SHISA9: variants seen among roughly 807,000 people sequenced by gnomAD.
SHISA9 encodes the protein shisa family member 9.
Under a neutral mutation model 38.0 loss-of-function variants are expected in SHISA9, and 13 were observed. The ratio of observed to expected loss-of-function variants is 0.34; its 90% CI spans 0.22 to 0.54. SHISA9 has a LOEUF of 0.54. Among genes scored for constraint, SHISA9 ranks in the 20% least tolerant of loss-of-function variants. The pLI is 0.91. For missense variants in SHISA9, 538 were observed against 575.8 expected, an observed-to-expected ratio of 0.93 and a Z score of 0.67; for synonymous variants, 275 against 242.0, an observed-to-expected ratio of 1.14 and a Z score of -1.27.
intron 2 of SHISA9, among the ~76,000 whole-genome samples, chr16:12,925,198 A>G (rs1434625036): frequency 6.6e-6 from 1 of 151,962 alleles, no homozygotes; most frequent in Non-Finnish European, 1.5e-5. Context: ...TAATGTTTCA[A>G]TGCAGATGAG....
intron 2 of SHISA9, among the ~76,000 whole-genome samples, chr16:13,192,911 G>A (rs886523553): frequency 6.6e-6 from 1 of 151,286 alleles, no homozygotes; most frequent in Non-Finnish European, 1.5e-5. Context: ...GGAGGAGGAG[G>A]AGAAGAGGAG....
At chr16:13,284,596 T>G in the SHISA9 span, among the ~76,000 whole-genome samples, 1 of 152,092 alleles carries the variant, frequency 6.6e-6, no homozygotes, top group African/African-American at 2.4e-5. Flanking sequence ...CATTTCATTA[T>G]TTATTTATTT....
chr16:13,261,482 A>G, the SHISA9 span, among the ~76,000 whole-genome samples: 17 of 152,284 alleles, frequency 1.1e-4, no homozygotes, highest in East Asian at 5.8e-4. Flanking sequence ...TCAGGGTCCA[A>G]TGCAAACTGA....
At chr16:13,075,889 T>A (rs760783581) in intron 2 of SHISA9, among the ~76,000 whole-genome samples, 4 of 152,114 alleles carry the variant, frequency 2.6e-5, no homozygotes, top group African/African-American at 4.8e-5. Context: ...GCCCTGTGCA[T>A]TCTAGGGTGT....
At chr16:12,932,442 A>G (rs1755270328) in intron 2 of SHISA9, among the ~76,000 whole-genome samples, 1 of 152,110 alleles carries the variant, frequency 6.6e-6, no homozygotes, top group African/African-American at 2.4e-5. Flanking sequence ...CCCAGGTTCA[A>G]GAGATTCTCC....
At chr16:13,403,342 C>A in the SHISA9 span, among the ~76,000 whole-genome samples, 1 of 152,138 alleles carries the variant, frequency 6.6e-6, no homozygotes, top group South Asian at 2.1e-4. Flanking sequence ...TTTTAAATAG[C>A]TCTTTTATTC....
the SHISA9 span, among the ~76,000 whole-genome samples, chr16:13,414,620 GTTCT>G: frequency 2.1e-5 from 3 of 143,694 alleles, no homozygotes; most frequent in Admixed American, 7.4e-5. Context: ...ATGTTCGTTC[GTTCT>G]TTCTTTCTTT....
At chr16:13,319,645 G>T in the SHISA9 span, among the ~76,000 whole-genome samples, 1 of 151,956 alleles carries the variant, frequency 6.6e-6, no homozygotes, top group Non-Finnish European at 1.5e-5. Flanking sequence ...GAGCAGGGGG[G>T]TTACTCAGAA....
chr16:13,187,271 C>T (rs905762786), intron 2 of SHISA9, among the ~76,000 whole-genome samples: 1 of 151,430 alleles, frequency 6.6e-6, no homozygotes, highest in African/African-American at 2.4e-5. Flanking sequence ...CTGAAAACTT[C>T]TCAGGAGGTA....
chr16:12,954,315 C>A (rs1375623346), intron 2 of SHISA9, among the ~76,000 whole-genome samples: 1 of 152,070 alleles, frequency 6.6e-6, no homozygotes, highest in East Asian at 1.9e-4. Flanking sequence ...CAAATGTGGG[C>A]AGAATTTAGA....
At chr16:13,369,037 A>G in the SHISA9 span, among the ~76,000 whole-genome samples, 1 of 152,230 alleles carries the variant, frequency 6.6e-6, no homozygotes, top group African/African-American at 2.4e-5. Flanking sequence ...AGTGTTAAAT[A>G]TTTATATAAT....
At chr16:13,069,203 C>T (rs1457048845) in intron 2 of SHISA9, among the ~76,000 whole-genome samples, 1 of 150,332 alleles carries the variant, frequency 6.7e-6, no homozygotes, top group Non-Finnish European at 1.5e-5. Flanking sequence ...TACATGTGTA[C>T]ATGCATGCAA....
the SHISA9 span, among the ~76,000 whole-genome samples, chr16:13,544,964 T>C: frequency 2.6e-5 from 4 of 152,062 alleles, no homozygotes; most frequent in Non-Finnish European, 4.4e-5. Flanking sequence ...AGAAGACTGA[T>C]AGTGTCAACA....
At chr16:13,452,264 T>TA in the SHISA9 span, among the ~76,000 whole-genome samples, 1 of 152,212 alleles carries the variant, frequency 6.6e-6, no homozygotes, top group African/African-American at 2.4e-5. Flanking sequence ...TGATATTGCA[T>TA]AAAATAACAT....
At chr16:13,354,743 G>A in the SHISA9 span, among the ~76,000 whole-genome samples, 1,348 of 152,204 alleles carry the variant, frequency 8.9e-3, 22 homozygotes, top group African/African-American at 0.031. Context: ...TCTTGTGTAA[G>A]AATTCTGACT....
chr16:13,395,201 A>C, the SHISA9 span, among the ~76,000 whole-genome samples: 3 of 152,102 alleles, frequency 2.0e-5, no homozygotes, highest in Admixed American at 6.6e-5. Flanking sequence ...GCTGAGTCCC[A>C]ATTTCTGGGC....
intron 1 of SHISA9, among the ~76,000 whole-genome samples, chr16:12,912,133 A>C (rs2071192098): frequency 6.6e-6 from 1 of 150,482 alleles, no homozygotes. Flanking sequence ...GACCATACAA[A>C]AAAGTTCTGA....
chr16:13,208,705 C>T (rs1449258308), intron 3 of SHISA9, among the ~76,000 whole-genome samples: 2 of 152,096 alleles, frequency 1.3e-5, no homozygotes, highest in African/African-American at 4.8e-5. Flanking sequence ...GACTTTGTAC[C>T]AGAAGGGATG....
At chr16:13,417,918 G>C in the SHISA9 span, among the ~76,000 whole-genome samples, 3 of 152,190 alleles carry the variant, frequency 2.0e-5, no homozygotes, top group African/African-American at 7.2e-5. Context: ...GGAACTTTTT[G>C]AAATCTCTTG....
Sources: gnomAD v4.1 joint callset for allele counts (sites outside exome capture counted in the v4.1 genomes callset) on GRCh38, gnomAD v4.1.1 for gene constraint, MANE v1.5 for transcripts, NCBI Gene and HGNC (gene_info 2026-07-23, HGNC 2026-07-21) for gene names.